The following MICAL2 variants were observed in gnomAD, a reference collection of about 807,000 sequenced individuals.
MICAL2 encodes [F-actin]-monooxygenase MICAL2.
In MICAL2, 77 loss-of-function variants were observed where a neutral mutation model predicts 127.3. The ratio of observed to expected loss-of-function variants is 0.60; its 90% CI spans 0.50 to 0.73. The LOEUF is 0.73. Ranked by LOEUF, MICAL2 falls within the 30% of genes least tolerant of loss-of-function variation. The probability of loss-of-function intolerance (pLI) is 0.00; values close to 1 mark genes in which losing one functional copy is unlikely to be tolerated. For synonymous variants in MICAL2, 570 were observed against 551.1 expected, an observed-to-expected ratio of 1.03 and a Z score of -0.48; for missense variants, 1,351 against 1,434.4, an observed-to-expected ratio of 0.94 and a Z score of 0.94.
chr11:12,224,857 G>T (rs775640314), intron 13 of MICAL2, 37 bp downstream of exon 13: 20 of 1,587,812 alleles, frequency 1.3e-5, no homozygotes, highest in Non-Finnish European at 1.7e-5. Context: ...TGGAGACGAG[G>T]GATGCCAAGG....
At chr11:12,318,078 G>A (rs1053422876) in intron 29 of MICAL2, among the ~76,000 whole-genome samples, 11 of 152,112 alleles carry the variant, frequency 7.2e-5, no homozygotes, top group African/African-American at 1.4e-4. Flanking sequence ...TGATGATCAC[G>A]TGGTTCCTGC....
chr11:12,145,678 T>G (rs535825276), intron 2 of MICAL2, among the ~76,000 whole-genome samples: 5 of 152,350 alleles, frequency 3.3e-5, no homozygotes, highest in African/African-American at 7.2e-5. Context: ...AGGCTTCGAA[T>G]AGCCATTAGT....
chr11:12,218,616 A>G (rs1263268966), intron 8 of MICAL2, among the ~76,000 whole-genome samples: 3 of 152,164 alleles, frequency 2.0e-5, no homozygotes, highest in African/African-American at 7.2e-5. Context: ...GAGAGAAGTG[A>G]TCATGTGACC....
chr11:12,252,274 C>T (rs1199085790), intron 22 of MICAL2, among the ~76,000 whole-genome samples: 1 of 152,224 alleles, frequency 6.6e-6, no homozygotes, highest in African/African-American at 2.4e-5. Context: ...TTTGTGGCCT[C>T]CTGGAAATGG....
At chr11:12,329,509 G>A (rs1392608533) in intron 32 of MICAL2, among the ~76,000 whole-genome samples, 1 of 152,172 alleles carries the variant, frequency 6.6e-6, no homozygotes, top group African/African-American at 2.4e-5. Context: ...GCGCCAATAA[G>A]CCAATAAGCC....
chr11:12,200,728 C>T (rs146304451), intron 3 of MICAL2, among the ~76,000 whole-genome samples: 164 of 152,332 alleles, frequency 1.1e-3, no homozygotes, highest in Non-Finnish European at 1.9e-3. Context: ...ACCGAGCTTT[C>T]GCCAATGGGA....
At chr11:12,292,631 C>T (rs1224460549), downstream of MICAL2, among the ~76,000 whole-genome samples, 1 of 152,166 alleles carries the variant, frequency 6.6e-6, no homozygotes, top group African/African-American at 2.4e-5. Context: ...GAGGAATTTG[C>T]AGCTGTAGGA....
intron 1 of MICAL2, among the ~76,000 whole-genome samples, chr11:12,278,780 G>A (rs1288859832): frequency 2.0e-5 from 3 of 152,230 alleles, no homozygotes; most frequent in Non-Finnish European, 4.4e-5. Context: ...TTTTTCCAGA[G>A]TGACTGAATG....
intron 33 of MICAL2, among the ~76,000 whole-genome samples, chr11:12,353,103 G>A (rs1437211374): frequency 2.6e-5 from 4 of 152,192 alleles, no homozygotes; most frequent in African/African-American, 9.7e-5. Flanking sequence ...AAGAAGCAGG[G>A]ACCTTGGCCC....
At chr11:12,208,348 C>T in intron 5 of MICAL2, 1 of 490,450 alleles carries the variant, frequency 2.0e-6, no homozygotes, top group Admixed American at 3.5e-5. Flanking sequence ...ATGATTAAGC[C>T]ATTAAACCTG....
intron 1 of MICAL2, among the ~76,000 whole-genome samples, chr11:12,133,168 G>A (rs1044151811): frequency 6.6e-6 from 1 of 152,198 alleles, no homozygotes; most frequent in African/African-American, 2.4e-5. Context: ...TGCAGCTTCT[G>A]TCTCCTGGGT....
At position 12,354,723 on chromosome 11, in the gene MICAL2, T is replaced by C; in HGVS notation, c.5616-61T>C. On this transcript the variant is annotated intron_variant, in intron 33 of 34. Transcript: ENST00000646065. ...GCTGTAGCTACTCTCAATGGGCTTA[T>C]TCATCAATGTTTCCTCACAAATCTA... 2.1e-6 allele frequency: 3 copies of C among 1,436,500 alleles called. No individual in the cohort carries two copies. The South Asian group carries it at 3.6e-5, about 17-fold the overall frequency. 89.0% of individuals were successfully genotyped at this position (1,436,500 alleles called of 1,614,324 possible). A position where few individuals can be genotyped will look rare whatever the true frequency, so the allele number is the denominator to read the frequency against.
chr11:12,327,402 C>T (rs1590739132), intron 32 of MICAL2: 7 of 705,496 alleles, frequency 9.9e-6, no homozygotes, highest in South Asian at 1.9e-5. Flanking sequence ...CCACAAGTGC[C>T]GCACACTTTA....
chr11:12,204,482 C>A, intron 4 of MICAL2, 25 bp downstream of exon 4: 1 of 1,609,146 alleles, frequency 6.2e-7, no homozygotes, highest in Non-Finnish European at 8.5e-7. Context: ...TGGTGATATC[C>A]CATGAAGGGA....
At chr11:12,207,052 A>AT (rs1329086282) in intron 4 of MICAL2, among the ~76,000 whole-genome samples, 1 of 151,782 alleles carries the variant, frequency 6.6e-6, no homozygotes, top group Non-Finnish European at 1.5e-5. Flanking sequence ...TGCTAAAGAG[A>AT]TTTTCAGCAG....
In MICAL2 at chr11:12,257,894, G is replaced by A. The variant is rs117154055; in HGVS notation, c.3143-574G>A. Among the ~76,000 whole-genome samples the A allele has an allele frequency of 7.1e-3, 1,079 of 152,254 alleles. 7 individuals are homozygous for A. The highest frequency in any genetic ancestry group is 8.6e-3 in the Non-Finnish European group (586 of 68,008). ...GTGGCAGTTTCCCAGTGCGTGCCCCGTCTGGGTCTTTTCCTCCCCATCACT... is the reference window on the plus strand; with the variant it reads ...GTGGCAGTTTCCCAGTGCGTGCCCCATCTGGGTCTTTTCCTCCCCATCACT... On this transcript the variant is annotated intron_variant, in intron 24 of 27. Transcript: ENST00000683283.
At chr11:12,144,221 G>A (rs1221060221) in intron 2 of MICAL2, among the ~76,000 whole-genome samples, 1 of 152,212 alleles carries the variant, frequency 6.6e-6, no homozygotes, top group East Asian at 1.9e-4. Flanking sequence ...TTTTGGAACA[G>A]TTGGGGCTTA....
intron 3 of MICAL2, among the ~76,000 whole-genome samples, chr11:12,196,602 G>C (rs191331444): frequency 8.5e-5 from 13 of 152,270 alleles, no homozygotes; most frequent in East Asian, 1.9e-4. Flanking sequence ...TAGGTCAACT[G>C]TTTCAAAGGC....
intron 32 of MICAL2, among the ~76,000 whole-genome samples, chr11:12,341,291 C>T (rs1257135161): frequency 1.3e-5 from 2 of 151,910 alleles, no homozygotes. Context: ...AAAATTGCAG[C>T]GAACACTGAA....
Sources: gnomAD v4.1 joint callset for allele counts (sites outside exome capture counted in the v4.1 genomes callset) on GRCh38, gnomAD v4.1.1 for gene constraint, MANE v1.5 for transcripts, NCBI Gene and HGNC (gene_info 2026-07-23, HGNC 2026-07-21) for gene names.